Variants in DCC observed in about 807,000 individuals in gnomAD.
The protein encoded by DCC is DCC netrin 1 receptor, also known as netrin receptor DCC.
A neutral mutation model predicts 172.5 loss-of-function variants in DCC; 58 were observed. That is an observed-to-expected ratio of 0.34 (90% CI 0.27 to 0.42). The LOEUF is 0.42. Ranked by LOEUF, DCC falls within the 10% of genes least tolerant of loss-of-function variation. DCC has a pLI of 1.00. For missense variants in DCC, 1,740 were observed against 1,791.0 expected (o/e 0.97, Z 0.51); for synonymous variants, 709 against 644.5 (o/e 1.10, Z -1.52).
chr18:52,408,631 G>A (rs1489819350), intron 1 of DCC, among the ~76,000 whole-genome samples: 2 of 152,016 alleles, frequency 1.3e-5, no homozygotes, highest in Non-Finnish European at 2.9e-5. Flanking sequence ...TGTATAGTTT[G>A]TTATTTTATA....
chr18:53,259,841 G>A (rs200485060), intron 12 of DCC, among the ~76,000 whole-genome samples: 15 of 152,024 alleles, frequency 9.9e-5, no homozygotes, highest in Non-Finnish European at 1.9e-4. Context: ...GTCACTTTCA[G>A]GTACACCAAT....
At chr18:53,378,295 G>A (rs932946018) in intron 15 of DCC, among the ~76,000 whole-genome samples, 9 of 152,142 alleles carry the variant, frequency 5.9e-5, no homozygotes, top group South Asian at 4.2e-4. Flanking sequence ...TTTATTAAAA[G>A]GTTCATTAGG....
chr18:52,736,218 C>T (rs545177146), intron 1 of DCC, among the ~76,000 whole-genome samples: 19 of 151,652 alleles, frequency 1.3e-4, no homozygotes, highest in African/African-American at 3.9e-4. Flanking sequence ...AGTTAACAAC[C>T]TTTCCCTGAC....
intron 1 of DCC, among the ~76,000 whole-genome samples, chr18:52,700,933 C>A (rs2036114245): frequency 6.6e-6 from 1 of 152,184 alleles, no homozygotes; most frequent in African/African-American, 2.4e-5. Flanking sequence ...CTATTGCTCT[C>A]CAATGGGAGT....
intron 2 of DCC, among the ~76,000 whole-genome samples, chr18:52,797,525 G>A (rs971804878): frequency 3.3e-5 from 5 of 152,194 alleles, no homozygotes; most frequent in Non-Finnish European, 5.9e-5. Flanking sequence ...CAGTGTCAGC[G>A]ATATCTGGAA....
At chr18:52,856,709 A>T (rs1422215209) in intron 2 of DCC, among the ~76,000 whole-genome samples, 2 of 152,016 alleles carry the variant, frequency 1.3e-5, no homozygotes, top group Non-Finnish European at 2.9e-5. Context: ...TGTTAGTCAT[A>T]ATGGAATCTT....
chr18:53,016,927 G>A (rs531696722), intron 5 of DCC, among the ~76,000 whole-genome samples: 2 of 152,160 alleles, frequency 1.3e-5, no homozygotes, highest in Non-Finnish European at 2.9e-5. Flanking sequence ...TGAGAAGATA[G>A]AAGTAGCTAG....
intron 5 of DCC, among the ~76,000 whole-genome samples, chr18:53,053,004 G>A (rs879744103): frequency 7.2e-5 from 11 of 151,962 alleles, no homozygotes; most frequent in East Asian, 1.9e-4. Context: ...TTAGTAGAGC[G>A]TGATGGTGTG....
intron 2 of DCC, among the ~76,000 whole-genome samples, chr18:52,835,941 C>CGA (rs2038697145): frequency 6.6e-6 from 1 of 151,536 alleles, no homozygotes; most frequent in Non-Finnish European, 1.5e-5. Flanking sequence ...GAAAAATATC[C>CGA]GAGACTGAGT....
chr18:52,978,264 C>T (rs2041155164), intron 5 of DCC, among the ~76,000 whole-genome samples: 1 of 151,728 alleles, frequency 6.6e-6, no homozygotes, highest in African/African-American at 2.4e-5. Flanking sequence ...AAACCAAAGA[C>T]AAATAGAGTT....
chr18:53,184,895 G>A (rs1207487488), intron 9 of DCC, among the ~76,000 whole-genome samples: 1 of 152,114 alleles, frequency 6.6e-6, no homozygotes, highest in East Asian at 1.9e-4. Flanking sequence ...TCACAGCTCT[G>A]TCTAGCTCAT....
At chr18:53,275,217 A>G (rs756487585) in intron 12 of DCC, among the ~76,000 whole-genome samples, 2 of 152,126 alleles carry the variant, frequency 1.3e-5, no homozygotes, top group Non-Finnish European at 2.9e-5. Flanking sequence ...CTATTAGAGA[A>G]CAACATATAC....
intron 5 of DCC, among the ~76,000 whole-genome samples, chr18:53,029,872 T>C (rs1157798929): frequency 6.6e-6 from 1 of 152,142 alleles, no homozygotes; most frequent in Non-Finnish European, 1.5e-5. Flanking sequence ...TTAAAGATAG[T>C]TGACTCGATT....
At chr18:53,350,184 A>C (rs560746749) in intron 15 of DCC, among the ~76,000 whole-genome samples, 2 of 152,164 alleles carry the variant, frequency 1.3e-5, no homozygotes, top group Non-Finnish European at 2.9e-5. Context: ...TTCCAATTCT[A>C]ATTAGTCCAT....
chr18:52,916,818 C>T (rs1407480294), intron 3 of DCC, among the ~76,000 whole-genome samples: 2 of 151,924 alleles, frequency 1.3e-5, no homozygotes, highest in Admixed American at 6.6e-5. Flanking sequence ...CTATGTAATT[C>T]GACCAAAACA....
chr18:52,954,803 AG>A (rs1202326078), intron 5 of DCC, among the ~76,000 whole-genome samples: 9 of 152,138 alleles, frequency 5.9e-5, no homozygotes, highest in Admixed American at 1.3e-4. Flanking sequence ...TATAGAGAGG[AG>A]TTGTATAAAT....
At chr18:52,815,459 ACCCCCCTG>A (rs1464001384) in intron 2 of DCC, among the ~76,000 whole-genome samples, 1 of 147,396 alleles carries the variant, frequency 6.8e-6, no homozygotes, top group Non-Finnish European at 1.5e-5. Flanking sequence ...ACGTCCCACC[ACCCCCCTG>A]CCCCCCTGTC....
At chr18:52,685,082 A>G (rs2035808725) in intron 1 of DCC, among the ~76,000 whole-genome samples, 1 of 152,088 alleles carries the variant, frequency 6.6e-6, no homozygotes, top group African/African-American at 2.4e-5. Context: ...AATTAGTTCA[A>G]TTAAGGAATA....
chr18:52,764,287 T>C (rs1176106124), intron 2 of DCC, among the ~76,000 whole-genome samples: 4 of 152,228 alleles, frequency 2.6e-5, no homozygotes, highest in Admixed American at 6.5e-5. Context: ...TGAATAGCCA[T>C]AGGCATTTGT....
Sources: allele counts gnomAD v4.1 joint callset (sites outside exome capture counted in the v4.1 genomes callset), GRCh38; gene constraint gnomAD v4.1.1; transcripts MANE v1.5; gene names NCBI Gene and HGNC (gene_info 2026-07-23, HGNC 2026-07-21).